Variants in CES5A observed in about 807,000 individuals in gnomAD.
CES5A encodes carboxylesterase 5A, also known as carboxylesterase 5.
A neutral mutation model predicts 62.9 loss-of-function variants in CES5A; 67 were observed. That is an observed-to-expected ratio of 1.07 (90% CI 0.88 to 1.31). The LOEUF is 1.31. Among genes scored for constraint, CES5A ranks in the 50% most tolerant of loss-of-function variants. CES5A has a pLI of 0.00. For missense variants in CES5A, 748 were observed against 708.5 expected (o/e 1.06, Z -0.63); for synonymous variants, 296 against 280.8 (o/e 1.05, Z -0.54).
intron 1 of CES5A, among the ~76,000 whole-genome samples, chr16:55,913,232 G>C (rs1431582068): frequency 6.6e-6 from 1 of 152,102 alleles, no homozygotes; most frequent in Non-Finnish European, 1.5e-5. Flanking sequence ...GCTGTCTGAA[G>C]TGAGTTTTTC....
intron 1 of CES5A, among the ~76,000 whole-genome samples, chr16:55,897,675 GA>G (rs2033947726): frequency 6.6e-6 from 1 of 152,226 alleles, no homozygotes; most frequent in South Asian, 2.1e-4. Flanking sequence ...ACATGGGACA[GA>G]TAGTTTCATG....
chr16:55,876,562 T>C (rs1472559113), upstream of CES5A, among the ~76,000 whole-genome samples: 1 of 152,116 alleles, frequency 6.6e-6, no homozygotes, highest in Non-Finnish European at 1.5e-5. Flanking sequence ...CTCTTAGACA[T>C]AGGTCCTAAA....
At chr16:55,929,792 C>T (rs1044470039), upstream of CES5A, among the ~76,000 whole-genome samples, 3 of 152,030 alleles carry the variant, frequency 2.0e-5, no homozygotes, top group Admixed American at 6.5e-5. Flanking sequence ...GTTTTGCTCA[C>T]GATGGAATGT....
chr16:55,871,180 C>G (rs2033575966), intron 3 of CES5A, among the ~76,000 whole-genome samples: 1 of 152,156 alleles, frequency 6.6e-6, no homozygotes, highest in African/African-American at 2.4e-5. Context: ...TAGAACATGC[C>G]TTTCCCCCAC....
chr16:55,861,545 G>T, intron 6 of CES5A, 29 bp from the exon 7 acceptor site: 1 of 1,482,162 alleles, frequency 6.7e-7, no homozygotes, highest in Non-Finnish European at 9.4e-7. Flanking sequence ...CCGGGTTAGA[G>T]CATGATATTG....
chr16:55,863,843 G>A (rs1355917369), intron 5 of CES5A, among the ~76,000 whole-genome samples: 9 of 150,180 alleles, frequency 6.0e-5, no homozygotes, highest in Admixed American at 3.3e-4. Context: ...TGCAACCTCC[G>A]ACTCCCAGGT....
intron 11 of CES5A, 45 bp from the exon 12 acceptor site, chr16:55,846,885 G>A (rs1464021122): frequency 4.0e-6 from 6 of 1,511,586 alleles, no homozygotes; most frequent in Admixed American, 1.7e-5. Context: ...GGTGAGGCTC[G>A]GGAAGCCCCG....
In CES5A at chr16:55,866,194, G is replaced by T. The variant is rs781629759; in HGVS notation, c.552-78C>A. ...ACAGCCCTGGAAGTTCTCAGCAGAGGCTGTGGGCAGGGGTCAGTGGGGAGG... is the reference window on the plus strand; with the variant it reads ...ACAGCCCTGGAAGTTCTCAGCAGAGTCTGTGGGCAGGGGTCAGTGGGGAGG... On this transcript the variant is annotated intron_variant, in intron 4 of 12. Coordinates refer to ENST00000290567, the MANE Select transcript of CES5A (RefSeq NM_001143685.2). 2.8e-4 allele frequency: 411 copies of T among 1,454,094 alleles called. 2 individuals carry two copies. The highest frequency in any genetic ancestry group is 5.9e-4 in the African/African-American group (42 of 70,796). The allele number at this position is 1,454,094 out of a possible 1,614,324, so 90.1% of individuals were successfully genotyped here.
chr16:55,943,788 C>T (rs933220443), intron 2 of CES5A, among the ~76,000 whole-genome samples: 1 of 152,208 alleles, frequency 6.6e-6, no homozygotes, highest in Non-Finnish European at 1.5e-5. Context: ...AAAGACAGGC[C>T]GGAAAGGAAG....
exon 2 of CES5A, chr16:55,949,901 T>C (rs2142486970): frequency 7.1e-7 from 1 of 1,404,634 alleles, no homozygotes; most frequent in Non-Finnish European, 9.5e-7. Context: ...TATCCTAAAC[T>C]CCTGGAAAAA....
At chr16:55,863,190 C>T (rs541477321) in intron 6 of CES5A, among the ~76,000 whole-genome samples, 158 bp downstream of exon 6, 5 of 152,160 alleles carry the variant, frequency 3.3e-5, no homozygotes, top group Non-Finnish European at 5.9e-5. Context: ...TCCTGTTGAA[C>T]CAGACCTTTC....
At chr16:55,870,091 T>A (rs1290623050) in intron 3 of CES5A, among the ~76,000 whole-genome samples, 3 of 152,246 alleles carry the variant, frequency 2.0e-5, no homozygotes, top group African/African-American at 7.2e-5. Flanking sequence ...CATAGAACAA[T>A]GAGCAATAGC....
chr16:55,873,031 G>T (rs1310282732), intron 2 of CES5A, among the ~76,000 whole-genome samples: 1 of 152,098 alleles, frequency 6.6e-6, no homozygotes, highest in Admixed American at 6.5e-5. Context: ...TGGACCACAT[G>T]GGGTCATCTT....
intron 1 of CES5A, among the ~76,000 whole-genome samples, chr16:55,910,277 C>A (rs1173793573): frequency 6.6e-6 from 1 of 152,178 alleles, no homozygotes; most frequent in Non-Finnish European, 1.5e-5. Context: ...ATCAAAGAAG[C>A]CAAGGTAGCT....
chr16:55,921,053 T>C (rs1263381807), intron 1 of CES5A, among the ~76,000 whole-genome samples: 1 of 152,104 alleles, frequency 6.6e-6, no homozygotes, highest in African/African-American at 2.4e-5. Context: ...GAAGATAGGC[T>C]TTTGAAAATA....
In CES5A at chr16:55,873,821, A is replaced by C. The variant is rs768511752; in HGVS notation, c.278+12T>G. 12 of 1,609,186 alleles carry C rather than the reference A, an allele frequency of 7.5e-6. No individual in the cohort carries two copies. The Admixed American group carries it at 2.0e-4, about 27-fold the overall frequency. On this transcript the variant is annotated intron_variant, in intron 2 of 12. Transcript: ENST00000290567. ...AGTCACAAACCACCCGTGGGCCCGA[A>C]CCTGGTCTTACAAATTAGGGTAGGA...
chr16:55,948,778 G>A (rs2034524160), intron 2 of CES5A, among the ~76,000 whole-genome samples: 1 of 152,140 alleles, frequency 6.6e-6, no homozygotes, highest in Non-Finnish European at 1.5e-5. Flanking sequence ...GTGAGAAAGG[G>A]TCAAATTTAG....
rs1327365125 is a variant in CES5A at position 55,846,634 on chromosome 16, A to C, written c.1545T>G (p.Thr515=). The C allele has an allele frequency of 2.5e-6, 4 of 1,614,022 alleles. No individual in the cohort carries two copies. The highest frequency in any genetic ancestry group is 3.4e-6 in the Non-Finnish European group (4 of 1,180,016). Residue 515 remains threonine, a synonymous_variant, in exon 13 of 13, where the codon ACT becomes ACG. Transcript: ENST00000290567. ...DLSLWPAYNL[T]EQYLQLDLNM... ...TCAAGTCCAGCTGGAGGTACTGCTC[A>C]GTCAGATTATAAGCTGGCCACAGAG...
intron 1 of CES5A, 121 bp from the exon 2 acceptor site, chr16:55,874,158 G>A: frequency 1.2e-6 from 1 of 851,066 alleles, no homozygotes; most frequent in Non-Finnish European, 1.8e-6. Context: ...GCAGCTGGTG[G>A]TATCCAGGTT....
Sources: gnomAD v4.1 joint callset for allele counts (sites outside exome capture counted in the v4.1 genomes callset) on GRCh38, gnomAD v4.1.1 for gene constraint, MANE v1.5 for transcripts, NCBI Gene and HGNC (gene_info 2026-07-23, HGNC 2026-07-21) for gene names.